The following GLIS3 variants were observed in gnomAD, a reference collection of about 807,000 sequenced individuals.
GLIS3 encodes zinc finger protein GLIS3.
Under a neutral mutation model 78.6 loss-of-function variants are expected in GLIS3, and 53 were observed. That is an observed-to-expected ratio of 0.67 (90% CI 0.54 to 0.85). The LOEUF is 0.85. GLIS3 is among the 40% of genes least tolerant of loss of function. The pLI, the probability that GLIS3 is intolerant of heterozygous loss-of-function variation, is 0.00. For missense variants in GLIS3, 1,703 were observed against 1,231.1 expected, an observed-to-expected ratio of 1.38 and a Z score of -5.74; for synonymous variants, 684 against 509.9, an observed-to-expected ratio of 1.34 and a Z score of -4.60.
At chr9:3,992,081 G>T (rs577159127) in intron 4 of GLIS3, among the ~76,000 whole-genome samples, 1 of 152,078 alleles carries the variant, frequency 6.6e-6, no homozygotes, top group African/African-American at 2.4e-5. Context: ...GAGTAAGTAA[G>T]AAAATAAGAT....
chr9:4,338,024 C>CTGTGTGTGTGTGTGTGTG (rs74777663), intron 2 of GLIS3, among the ~76,000 whole-genome samples: 3 of 138,972 alleles, frequency 2.2e-5, no homozygotes, highest in African/African-American at 8.7e-5. Context: ...ATTGGCAAGG[C>CTGTGTGTGTGTGTGTGTG]TGTGTGTGTG....
the GLIS3 span, among the ~76,000 whole-genome samples, chr9:4,480,174 G>A: frequency 6.8e-6 from 1 of 148,056 alleles, no homozygotes; most frequent in Non-Finnish European, 1.5e-5. Context: ...AGAATTCTGT[G>A]AGACAAGTTT....
At chr9:4,379,321 G>T in the GLIS3 span, among the ~76,000 whole-genome samples, 2 of 152,276 alleles carry the variant, frequency 1.3e-5, no homozygotes, top group South Asian at 2.1e-4. Context: ...GTTAATAGGG[G>T]TTTGGCAAAA....
At chr9:4,391,171 C>A in the GLIS3 span, among the ~76,000 whole-genome samples, 1 of 152,154 alleles carries the variant, frequency 6.6e-6, no homozygotes, top group Admixed American at 6.5e-5. Context: ...ACCTGGAGGT[C>A]AGTGAGGCTT....
At chr9:4,457,517 A>G in the GLIS3 span, among the ~76,000 whole-genome samples, 1 of 152,092 alleles carries the variant, frequency 6.6e-6, no homozygotes, top group Non-Finnish European at 1.5e-5. Flanking sequence ...GTTTGGACAC[A>G]TACATCTTTG....
chr9:3,931,249 C>G (rs991226375), intron 6 of GLIS3, among the ~76,000 whole-genome samples: 5 of 152,038 alleles, frequency 3.3e-5, no homozygotes, highest in Non-Finnish European at 5.9e-5. Context: ...CATATACACA[C>G]CCTCGGCTGG....
chr9:4,098,659 T>G (rs1232922243), intron 4 of GLIS3, among the ~76,000 whole-genome samples: 1 of 152,238 alleles, frequency 6.6e-6, no homozygotes, highest in Non-Finnish European at 1.5e-5. Flanking sequence ...TATTGAAATA[T>G]TCTGCCTCAT....
chr9:4,124,724 C>A (rs1002319595), intron 3 of GLIS3, among the ~76,000 whole-genome samples: 2 of 151,972 alleles, frequency 1.3e-5, no homozygotes, highest in Non-Finnish European at 2.9e-5. Flanking sequence ...GAGGGGAGAA[C>A]AGGATTAGGA....
chr9:4,466,675 T>C, the GLIS3 span, among the ~76,000 whole-genome samples: 22 of 152,326 alleles, frequency 1.4e-4, no homozygotes, highest in Non-Finnish European at 2.6e-4. Context: ...GGTTCCAAGA[T>C]GGCTGAATAG....
At chr9:3,924,425 G>A (rs987639739) in intron 6 of GLIS3, among the ~76,000 whole-genome samples, 3 of 152,216 alleles carry the variant, frequency 2.0e-5, no homozygotes, top group African/African-American at 7.2e-5. Flanking sequence ...GCTAAGTCCT[G>A]AAGCAATTCA....
At chr9:4,380,317 G>A in the GLIS3 span, among the ~76,000 whole-genome samples, 24 of 152,166 alleles carry the variant, frequency 1.6e-4, no homozygotes, top group Non-Finnish European at 2.6e-4. Flanking sequence ...AAAAATCTCT[G>A]TCACACACAC....
At chr9:4,277,567 T>C (rs1587274993) in intron 2 of GLIS3, among the ~76,000 whole-genome samples, 1 of 152,338 alleles carries the variant, frequency 6.6e-6, no homozygotes, top group South Asian at 2.1e-4. Flanking sequence ...TATTATTCTG[T>C]CTTTTTTGTC....
At chr9:4,258,119 ATTCT>A (rs1233963451) in intron 2 of GLIS3, among the ~76,000 whole-genome samples, 2 of 152,192 alleles carry the variant, frequency 1.3e-5, no homozygotes, top group Admixed American at 1.3e-4. Flanking sequence ...ATTTTATTTT[ATTCT>A]TTCTATTTTC....
chr9:4,118,151 G>C lies in GLIS3; in HGVS notation c.1327C>G (p.Leu443Val), dbSNP rs529418802. The stretch of plus-strand genomic sequence containing the variant: ...GGAGGGAGCGGAGGCGCGGGGGGTA[G>C]GTCTACGGTGCTGCCCGGGAACTCC... The part of the protein sequence containing the change: ...LEEFPGSTVD[L>V]PPAPPLPPLP... Residue 443 changes from leucine (L) to valine (V), a missense_variant, in exon 4 of 11, where the codon CTA becomes GTA. Transcript: ENST00000381971. The surrounding 1 kb of genome is among the most constrained non-coding windows in gnomAD (Gnocchi z 4.7). The C allele has an allele frequency of 3.9e-6, 6 of 1,557,880 alleles. No homozygotes were observed. In the African/African-American group the frequency reaches 8.1e-5, roughly 21 times the overall value.
intron 10 of GLIS3, among the ~76,000 whole-genome samples, chr9:3,828,783 CAGAGAG>C (rs1239087656): frequency 1.3e-5 from 2 of 152,094 alleles, no homozygotes; most frequent in Non-Finnish European, 2.9e-5. Flanking sequence ...AGAGCAAAGA[CAGAGAG>C]GGAGAGGCAT....
chr9:3,944,673 C>A (rs943411318), intron 4 of GLIS3, among the ~76,000 whole-genome samples: 5 of 152,160 alleles, frequency 3.3e-5, no homozygotes, highest in South Asian at 4.1e-4. Flanking sequence ...GCAAAAAATG[C>A]ATTTGATAAC....
intron 4 of GLIS3, among the ~76,000 whole-genome samples, chr9:4,104,781 G>T (rs752697566): frequency 1.3e-5 from 2 of 152,212 alleles, no homozygotes; most frequent in African/African-American, 4.8e-5. Flanking sequence ...CCTCCCCCAG[G>T]TATCTGCATT....
intron 4 of GLIS3, among the ~76,000 whole-genome samples, chr9:3,965,188 C>CT (rs750454441): frequency 0.011 from 1,113 of 98,564 alleles, 57 homozygotes; most frequent in African/African-American, 0.042. Context: ...TCTTTCTTTT[C>CT]TTTTCTTTTT....
intron 4 of GLIS3, among the ~76,000 whole-genome samples, chr9:3,939,407 C>G (rs1826080947): frequency 6.6e-6 from 1 of 152,154 alleles, no homozygotes; most frequent in Admixed American, 6.5e-5. Flanking sequence ...CCAAGTCTTT[C>G]CAGTTAAATG....
Sources: allele counts gnomAD v4.1 joint callset (sites outside exome capture counted in the v4.1 genomes callset), GRCh38; gene constraint gnomAD v4.1.1; non-coding constraint Gnocchi (gnomAD v3.1); transcripts MANE v1.5; gene names NCBI Gene and HGNC (gene_info 2026-07-23, HGNC 2026-07-21).